ZNF512: variants seen among roughly 807,000 people sequenced by gnomAD.
ZNF512 encodes the protein zinc finger protein 512.
In ZNF512, 25 loss-of-function variants were observed where a neutral mutation model predicts 77.5. The observed-to-expected ratio is 0.32, with a 90% CI of 0.23 to 0.45. ZNF512 has a LOEUF of 0.45. Among genes scored for constraint, ZNF512 ranks in the 20% least tolerant of loss-of-function variants. The pLI, the probability that ZNF512 is intolerant of heterozygous loss-of-function variation, is 1.00. For missense variants in ZNF512, 483 were observed against 692.6 expected, an observed-to-expected ratio of 0.70 and a Z score of 3.40; for synonymous variants, 246 against 239.9, an observed-to-expected ratio of 1.03 and a Z score of -0.24.
Position 27,621,580 on chromosome 2 carries a change from A to G in ZNF512, c.*119A>G, listed in dbSNP as rs1462204276. The G allele has an allele frequency of 1.9e-6, 2 of 1,056,640 alleles. No individual in the cohort carries two copies. Among genetic ancestry groups the G allele is most frequent in the South Asian group, 1.7e-5 (1 of 58,240 alleles). 65.5% of individuals were successfully genotyped at this position (1,056,640 alleles called of 1,614,324 possible). A position where few individuals can be genotyped will look rare whatever the true frequency, so the allele number is the denominator to read the frequency against. On this transcript the variant is annotated 3_prime_UTR_variant, in exon 14 of 14. Transcript: ENST00000355467. ...GTTTGTGTAAGGCTGTGACTTTCTCAGCTCCTTCCTCCTGTGTAAATTTCA... is the reference window on the plus strand; with the variant it reads ...GTTTGTGTAAGGCTGTGACTTTCTCGGCTCCTTCCTCCTGTGTAAATTTCA...
intron 12 of ZNF512, 133 bp from the exon 13 acceptor site, chr2:27,617,340 A>G (rs1672925348): frequency 3.2e-6 from 2 of 623,896 alleles, no homozygotes; most frequent in South Asian, 1.9e-5. Context: ...ATCTATTACT[A>G]TATTGGATCT....
At chr2:27,615,054 T>C in intron 10 of ZNF512, 114 bp from the exon 11 acceptor site, 1 of 640,592 alleles carries the variant, frequency 1.6e-6, no homozygotes, top group Non-Finnish European at 2.7e-6. Context: ...TTTTTTTGTG[T>C]ACAAGAGTAT....
intron 3 of ZNF512, among the ~76,000 whole-genome samples, chr2:27,598,933 A>C (rs1201975354): frequency 6.6e-6 from 1 of 152,010 alleles, no homozygotes; most frequent in Non-Finnish European, 1.5e-5. Flanking sequence ...CCTGGGTTCA[A>C]GCGATTCTCC....
chr2:27,602,970 T>C (rs1464543524), intron 8 of ZNF512, among the ~76,000 whole-genome samples, 170 bp from the exon 9 acceptor site: 2 of 152,208 alleles, frequency 1.3e-5, no homozygotes, highest in African/African-American at 4.8e-5. Flanking sequence ...CAGAGTAAGA[T>C]GGCCAGAGAC....
chr2:27,617,486 C>T lies in ZNF512; in HGVS notation c.1310C>T (p.Ala437Val), dbSNP rs774844710. Residue 437 changes from alanine to valine, a missense_variant, in exon 13 of 14, where the codon GCT becomes GTT. Ala to Val is a moderately conservative substitution (Grantham distance 64, BLOSUM62 0). Transcript: ENST00000355467. ...TCTTGGAAATAGGGAAACTTTGTGG[C>T]TGGAAAATACAAATGTCTTCTATGT... ...LGSCTLGNFV[A>V]GKYKCLLCQK... The T allele has an allele frequency of 2.8e-6, 4 of 1,444,928 alleles. No individual in the cohort carries two copies. In the East Asian group the frequency reaches 6.8e-5, roughly 25 times the overall value. The allele number at this position is 1,444,928 out of a possible 1,614,324, so 89.5% of individuals were successfully genotyped here.
At chr2:27,599,264 C>A (rs1187677377) in intron 3 of ZNF512, among the ~76,000 whole-genome samples, 1 of 152,282 alleles carries the variant, frequency 6.6e-6, no homozygotes, top group East Asian at 1.9e-4. Flanking sequence ...GTGGCTAGCC[C>A]TCTATCTTGA....
chr2:27,597,964 T>G (rs1671946001), intron 2 of ZNF512, 103 bp from the exon 3 acceptor site: 1 of 838,952 alleles, frequency 1.2e-6, no homozygotes, highest in African/African-American at 1.7e-5. Flanking sequence ...AGCAGGCTTC[T>G]TAGTTTTCTG....
chr2:27,598,594 A>C (rs1209717686), intron 3 of ZNF512, among the ~76,000 whole-genome samples: 3 of 151,630 alleles, frequency 2.0e-5, no homozygotes, highest in Non-Finnish European at 4.4e-5. Flanking sequence ...GCACCATTGC[A>C]CTGTAGCCTG....
Position 27,601,339 on chromosome 2 carries a change from A to G in ZNF512, c.583-17A>G, listed in dbSNP as rs753155701. 5 of 1,596,574 alleles carry G rather than the reference A, an allele frequency of 3.1e-6. No homozygotes were observed. The South Asian group carries it at 4.4e-5, about 14-fold the overall frequency. On this transcript the variant is annotated splice_polypyrimidine_tract_variant and intron_variant, in intron 6 of 13. Coordinates refer to ENST00000355467, the MANE Select transcript of ZNF512 (RefSeq NM_032434.4). Reference sequence around the variant, plus strand: ...TCTGTGGAACAACCTAGCACTGAGCAGTATTTTTCCTTCTAGGAAATGTTT... The same window carrying G: ...TCTGTGGAACAACCTAGCACTGAGCGGTATTTTTCCTTCTAGGAAATGTTT...
intron 2 of ZNF512, among the ~76,000 whole-genome samples, chr2:27,586,897 A>G (rs1269796836): frequency 6.6e-6 from 1 of 152,188 alleles, no homozygotes; most frequent in Non-Finnish European, 1.5e-5. Context: ...TGATTTTGAG[A>G]TGACAAATAG....
At chr2:27,607,542 GT>G (rs1672426219) in intron 9 of ZNF512, among the ~76,000 whole-genome samples, 1 of 151,942 alleles carries the variant, frequency 6.6e-6, no homozygotes, top group East Asian at 1.9e-4. Context: ...TAATTTTTAT[GT>G]TTTTAGTAGA....
chr2:27,610,562 ATATATATTTTTTTTTTT>A (rs1672597289), intron 10 of ZNF512, among the ~76,000 whole-genome samples: 1 of 29,754 alleles, frequency 3.4e-5, no homozygotes, highest in Non-Finnish European at 6.8e-5. Context: ...ATATATATAT[ATATATATTTTTTTTTTT>A]TTTTTTTTTT....
chr2:27,604,643 T>G (rs1415762148), intron 9 of ZNF512, among the ~76,000 whole-genome samples: 1 of 152,092 alleles, frequency 6.6e-6, no homozygotes, highest in African/African-American at 2.4e-5. Context: ...AAGCCAGGCA[T>G]GGTGGTGTAC....
intron 2 of ZNF512, among the ~76,000 whole-genome samples, chr2:27,591,173 A>T (rs12997424): frequency 2.0e-5 from 3 of 152,168 alleles, no homozygotes; most frequent in Admixed American, 6.5e-5. Context: ...AGTAGCTGGG[A>T]CTATAGTTGC....
At chr2:27,590,418 A>G (rs1402689207) in intron 2 of ZNF512, among the ~76,000 whole-genome samples, 1 of 151,994 alleles carries the variant, frequency 6.6e-6, no homozygotes, top group Non-Finnish European at 1.5e-5. Context: ...TCATCTGTTT[A>G]TTTTCAATCT....
chr2:27,601,270 C>A, intron 6 of ZNF512, 86 bp from the exon 7 acceptor site: 1 of 933,726 alleles, frequency 1.1e-6, no homozygotes, highest in Non-Finnish European at 1.6e-6. Context: ...ATAAAGGAGA[C>A]ATAGATGAAA....
At chr2:27,586,786 C>T (rs761131257) in intron 2 of ZNF512, among the ~76,000 whole-genome samples, 4 of 152,162 alleles carry the variant, frequency 2.6e-5, no homozygotes, top group South Asian at 2.1e-4. Context: ...CTCCTGTCCA[C>T]GGGCACCACT....
Position 27,602,525 on chromosome 2 carries a change from TC to T in ZNF512, c.733del (p.Leu245Ter). On this transcript the variant is annotated frameshift_variant, in exon 8 of 14. Coordinates refer to ENST00000355467, the MANE Select transcript of ZNF512 (RefSeq NM_032434.4). LOFTEE classifies it high-confidence loss of function. The part of the protein sequence containing the change: ...PSERERLRTV[L>X]KRLGKLRCMR... ...GTGAGAGGGAAAGGCTCCGAACAGT[TC>T]TAAAGAGACTGGGAAAGCTCAGGTG... 2 of 1,614,010 alleles carry T rather than the reference TC, an allele frequency of 1.2e-6. No homozygotes were observed. The highest frequency in any genetic ancestry group is 1.7e-6 in the Non-Finnish European group (2 of 1,179,966).
At chr2:27,587,556 C>A (rs1671389447) in intron 2 of ZNF512, among the ~76,000 whole-genome samples, 2 of 150,730 alleles carry the variant, frequency 1.3e-5, no homozygotes, top group East Asian at 2.0e-4. Context: ...GGATTACATG[C>A]TTGAGCCACC....
Sources: allele counts gnomAD v4.1 joint callset (sites outside exome capture counted in the v4.1 genomes callset), GRCh38; gene constraint gnomAD v4.1.1; transcripts MANE v1.5; gene names NCBI Gene and HGNC (gene_info 2026-07-23, HGNC 2026-07-21).